Variants in DIP2C observed in about 807,000 individuals in gnomAD.
DIP2C encodes DIP2 acetate--CoA ligase C (putative), also known as disco-interacting protein 2 homolog C.
In DIP2C, 33 loss-of-function variants were observed where a neutral mutation model predicts 192.4. The ratio of observed to expected loss-of-function variants is 0.17; its 90% CI spans 0.13 to 0.23. The LOEUF is 0.23. Among genes scored for constraint, DIP2C ranks in the 10% least tolerant of loss-of-function variants. DIP2C has a pLI of 1.00. For synonymous variants in DIP2C, 979 were observed against 864.1 expected (o/e 1.13, Z -2.33); for missense variants, 1,537 against 2,110.1 (o/e 0.73, Z 5.32).
intron 31 of DIP2C, among the ~76,000 whole-genome samples, chr10:317,817 C>T (rs933636467): frequency 6.6e-6 from 1 of 152,216 alleles, no homozygotes; most frequent in Non-Finnish European, 1.5e-5. Context: ...TCCATCAGTG[C>T]CTAGGGCACG....
intron 1 of DIP2C, among the ~76,000 whole-genome samples, chr10:543,539 G>C (rs146025862): frequency 1.3e-5 from 2 of 152,306 alleles, no homozygotes; most frequent in Non-Finnish European, 2.9e-5. Flanking sequence ...CCCTGAATAC[G>C]GTTGTTACGT....
chr10:394,452 C>G (rs13377101), intron 10 of DIP2C, among the ~76,000 whole-genome samples: 1,677 of 36,018 alleles, frequency 0.047, 38 homozygotes, highest in African/African-American at 0.14. Flanking sequence ...CAGCCTTCAG[C>G]GAGGAGGGAA....
At chr10:615,074 T>G (rs1204750173) in intron 1 of DIP2C, among the ~76,000 whole-genome samples, 1 of 152,084 alleles carries the variant, frequency 6.6e-6, no homozygotes, top group East Asian at 1.9e-4. Context: ...GGCAGCGCTG[T>G]CCCAAGCCCT....
intron 14 of DIP2C, among the ~76,000 whole-genome samples, chr10:386,558 T>C (rs1962940605): frequency 6.6e-6 from 1 of 152,136 alleles, no homozygotes; most frequent in South Asian, 2.1e-4. Flanking sequence ...CGCTGCTCCA[T>C]CTTATCCCCC....
At chr10:345,417 C>T (rs1026774279) in intron 26 of DIP2C, among the ~76,000 whole-genome samples, 23 of 151,934 alleles carry the variant, frequency 1.5e-4, no homozygotes, top group African/African-American at 4.8e-4. Flanking sequence ...CTCCTGGAAA[C>T]CCCACACACA....
At chr10:512,199 ATAT>A (rs936021132) in intron 1 of DIP2C, among the ~76,000 whole-genome samples, 2 of 152,180 alleles carry the variant, frequency 1.3e-5, no homozygotes, top group African/African-American at 2.4e-5. Context: ...TCCTAGAGGC[ATAT>A]TATTATGGAA....
chr10:457,349 G>A (rs1190518424), intron 3 of DIP2C, among the ~76,000 whole-genome samples: 1 of 151,918 alleles, frequency 6.6e-6, no homozygotes, highest in Non-Finnish European at 1.5e-5. Flanking sequence ...AAAGATTTTA[G>A]TCTATAAATT....
intron 25 of DIP2C, 91 bp downstream of exon 25, chr10:349,240 C>G: frequency 1.3e-6 from 2 of 1,520,292 alleles, no homozygotes; most frequent in Non-Finnish European, 1.8e-6. Context: ...ACGCGACCCT[C>G]GGCTCAGGCA....
chr10:582,841 C>T (rs570513092), intron 1 of DIP2C, among the ~76,000 whole-genome samples: 5 of 152,262 alleles, frequency 3.3e-5, no homozygotes, highest in East Asian at 1.9e-4. Flanking sequence ...CCTGGAGGTT[C>T]TAATTGAGAA....
intron 3 of DIP2C, among the ~76,000 whole-genome samples, chr10:462,219 CA>C (rs200657570): frequency 2.6e-5 from 4 of 151,868 alleles, no homozygotes; most frequent in Non-Finnish European, 4.4e-5. Flanking sequence ...AAAAACTCTT[CA>C]AAAAAATCAA....
At chr10:282,322 C>T (rs1355372037) in intron 35 of DIP2C, among the ~76,000 whole-genome samples, 1 of 152,228 alleles carries the variant, frequency 6.6e-6, no homozygotes, top group Non-Finnish European at 1.5e-5. Flanking sequence ...GCTTTTGCAG[C>T]TTCCAGGAAC....
At chr10:464,707 T>C (rs546120629) in intron 3 of DIP2C, among the ~76,000 whole-genome samples, 80 of 152,280 alleles carry the variant, frequency 5.3e-4, no homozygotes, top group South Asian at 1.2e-3. Flanking sequence ...CTGTTCACAA[T>C]AGCAAAAACT....
intron 32 of DIP2C, among the ~76,000 whole-genome samples, chr10:294,951 AAAC>A (rs1451773602): frequency 6.6e-6 from 1 of 152,200 alleles, no homozygotes; most frequent in Non-Finnish European, 1.5e-5. Flanking sequence ...TAAGGAACTC[AAAC>A]AACTCAACAG....
chr10:661,562 T>C (rs751692868), intron 1 of DIP2C, among the ~76,000 whole-genome samples: 1 of 152,224 alleles, frequency 6.6e-6, no homozygotes, highest in Non-Finnish European at 1.5e-5. Flanking sequence ...CTTGGGACTT[T>C]GTCCTGGAAA....
intron 1 of DIP2C, among the ~76,000 whole-genome samples, chr10:591,250 G>A (rs767461220): frequency 9.9e-5 from 15 of 151,940 alleles, no homozygotes; most frequent in Non-Finnish European, 1.9e-4. Flanking sequence ...TCAGCCTCCC[G>A]AGTAGCTGGG....
Position 532,563 on chromosome 10 carries a change from G to A in DIP2C, c.86-46033C>T, listed in dbSNP as rs1198297793. ...TGGGTGTGAGAGAGTATGGGTGAGA[G>A]AGAGAGTATGGGTGTGAGAGAGAGT... is the stretch of plus-strand genomic sequence containing the variant. On this transcript the variant is annotated intron_variant, in intron 1 of 36. Transcript: ENST00000280886. Among the ~76,000 whole-genome samples, 9 of 144,310 alleles carry A rather than the reference G, an allele frequency of 6.2e-5. 2 individuals carry two copies. Among genetic ancestry groups the A allele is most frequent in the African/African-American group, 2.3e-4 (9 of 39,040 alleles). 94.7% of individuals were successfully genotyped at this position (144,310 alleles called of 152,430 possible). A position where few individuals can be genotyped will look rare whatever the true frequency, so the allele number is the denominator to read the frequency against.
chr10:412,412 G>A (rs745858087), intron 8 of DIP2C, among the ~76,000 whole-genome samples: 3 of 152,188 alleles, frequency 2.0e-5, no homozygotes, highest in Non-Finnish European at 4.4e-5. Flanking sequence ...TTAGCTCCAG[G>A]GCTGAATTTG....
At chr10:354,597 A>AC (rs540497368) in intron 24 of DIP2C, among the ~76,000 whole-genome samples, 325 of 152,154 alleles carry the variant, frequency 2.1e-3, no homozygotes, top group African/African-American at 7.0e-3. Flanking sequence ...TGCTTGTGCA[A>AC]CCCCCACACA....
chr10:337,452 G>C (rs545572294), intron 29 of DIP2C, among the ~76,000 whole-genome samples: 70 of 141,284 alleles, frequency 5.0e-4, no homozygotes, highest in Admixed American at 1.7e-3. Flanking sequence ...GTGTGTGCGT[G>C]TGTGTTGTGG....
Sources: gnomAD v4.1 joint callset for allele counts (sites outside exome capture counted in the v4.1 genomes callset) on GRCh38, gnomAD v4.1.1 for gene constraint, MANE v1.5 for transcripts, NCBI Gene and HGNC (gene_info 2026-07-23, HGNC 2026-07-21) for gene names.